Variants in TMEM203 observed in about 807,000 individuals in gnomAD.
TMEM203 encodes the protein HBeAg-binding protein 1.
A neutral mutation model predicts 7.9 loss-of-function variants in TMEM203; 4 were observed. That is an observed-to-expected ratio of 0.51 (90% CI 0.25 to 1.16). TMEM203 has a LOEUF of 1.16. Ranked by LOEUF, TMEM203 falls within the 50% of genes most tolerant of loss-of-function variation. TMEM203 has a pLI of 0.15. For missense variants in TMEM203, 127 were observed against 174.4 expected, an observed-to-expected ratio of 0.73 and a Z score of 1.53; for synonymous variants, 92 against 82.5, an observed-to-expected ratio of 1.11 and a Z score of -0.62.
rs1178393130 is a variant in TMEM203, at chr9:137,205,438, G to A, written c.-24C>T. 4.7e-6 allele frequency: 7 copies of A among 1,496,184 alleles called. No homozygotes were observed. The highest frequency in any genetic ancestry group is 1.4e-5 in the African/African-American group (1 of 70,922). The allele number at this position is 1,496,184 out of a possible 1,614,324, so 92.7% of individuals were successfully genotyped here. On this transcript the variant is annotated 5_prime_UTR_variant, in exon 1 of 1. Transcript: ENST00000343666. ...ATCGCGCCCGTTGAGCGCGGGCCGG[G>A]GCCCGGCCGAGCGTGCCACCCGCGG...
chr9:137,204,821 T>C lies in TMEM203; in HGVS notation c.*183A>G. On this transcript the variant is annotated 3_prime_UTR_variant, in exon 1 of 1. Transcript: ENST00000343666. ...ATTTTCAGGATGAAGGCTGCTCTTT[T>C]AAGCCCTGCTGAAGAAACCATTTCA... The C allele has an allele frequency of 1.3e-6, 1 of 742,696 alleles. No individual in the cohort carries two copies. The allele number at this position is 742,696 out of a possible 1,614,324, so 46.0% of individuals were successfully genotyped here.
At position 137,205,488 on chromosome 9, in the gene TMEM203, C is replaced by G; in HGVS notation, c.-74G>C. On this transcript the variant is annotated 5_prime_UTR_variant, in exon 1 of 1. Coordinates refer to ENST00000343666, the MANE Select transcript of TMEM203 (RefSeq NM_053045.2). Reference sequence around the variant, plus strand: ...GGGCTGCGTCTCCTCTCCCCGTGGCCCTCGCCCGCGCCTGCCGCCGCTGCT... The same window carrying G: ...GGGCTGCGTCTCCTCTCCCCGTGGCGCTCGCCCGCGCCTGCCGCCGCTGCT... 1 of 1,342,698 alleles carries G rather than the reference C, an allele frequency of 7.4e-7. No homozygotes were observed. The highest frequency in any genetic ancestry group is 9.6e-7 in the Non-Finnish European group (1 of 1,044,964). 83.2% of individuals were successfully genotyped at this position (1,342,698 alleles called of 1,614,324 possible).
Position 137,205,570 on chromosome 9 carries a change from G to T in TMEM203, c.-156C>A. 1.7e-6 allele frequency: 2 copies of T among 1,198,274 alleles called. No individual in the cohort carries two copies. Among genetic ancestry groups the T allele is most frequent in the Non-Finnish European group, 2.2e-6 (2 of 901,740 alleles). The allele number at this position is 1,198,274 out of a possible 1,614,324, so 74.2% of individuals were successfully genotyped here. On this transcript the variant is annotated 5_prime_UTR_variant, in exon 1 of 1. Coordinates refer to ENST00000343666, the MANE Select transcript of TMEM203 (RefSeq NM_053045.2). ...CCCCAGCCCTCGGCCCTGATGCGCC[G>T]GCAATCCCCCGGCCCCGACCCGGGA... is the stretch of plus-strand genomic sequence containing the variant.
chr9:137,205,019 G>A lies in TMEM203; in HGVS notation c.396C>T (p.Ala132=), dbSNP rs1423229311. The change falls in exon 1 of 1, where the codon GCC becomes GCT. Residue 132 remains alanine (A), a synonymous_variant. Coordinates refer to ENST00000343666, the MANE Select transcript of TMEM203 (RefSeq NM_053045.2). ...FILLQLLMIR[A]CRVN is the part of the protein sequence containing the mutation. ...CTCGGTGAGGCTAGTTGACCCGACA[G>A]GCGCGGATCATGAGCAGCTGCAGGA... 1 of 1,607,400 alleles carries A rather than the reference G, an allele frequency of 6.2e-7. No homozygotes were observed. Among genetic ancestry groups the A allele is most frequent in the Non-Finnish European group, 8.5e-7 (1 of 1,175,574 alleles).
chr9:137,204,810 GGC>G lies in TMEM203; in HGVS notation c.*192_*193del. 1.5e-6 allele frequency: 1 copy of G among 684,170 alleles called. No individual in the cohort carries two copies. Among genetic ancestry groups the G allele is most frequent in the South Asian group, 2.1e-5 (1 of 47,950 alleles). The allele number at this position is 684,170 out of a possible 1,614,324, so 42.4% of individuals were successfully genotyped here. A position where few individuals can be genotyped will look rare whatever the true frequency, so the allele number is the denominator to read the frequency against. ...AAAGGAAATACATTTTCAGGATGAA[GGC>G]TGCTCTTTTAAGCCCTGCTGAAGAA... On this transcript the variant is annotated 3_prime_UTR_variant, in exon 1 of 1. Transcript: ENST00000343666.
Position 137,204,896 on chromosome 9 carries a change from G to A in TMEM203, c.*108C>T. 1.4e-6 allele frequency: 2 copies of A among 1,414,418 alleles called. No individual in the cohort carries two copies. Among genetic ancestry groups the A allele is most frequent in the Non-Finnish European group, 1.9e-6 (2 of 1,066,896 alleles). The allele number at this position is 1,414,418 out of a possible 1,614,324, so 87.6% of individuals were successfully genotyped here. On this transcript the variant is annotated 3_prime_UTR_variant, in exon 1 of 1. Transcript: ENST00000343666. The stretch of plus-strand genomic sequence containing the variant: ...GGCACTCAGCTCGGCGCAAGCCGGC[G>A]GTGCCTTCAGACTAGAGAGCCTCTC...
At position 137,205,409 on chromosome 9, in the gene TMEM203, G is replaced by A. The variant is rs369391375; in HGVS notation, c.6C>T (p.Leu2=). 32 of 1,569,686 alleles carry A rather than the reference G, an allele frequency of 2.0e-5. No homozygotes were observed. The African/African-American group carries it at 3.4e-4, about 17-fold the overall frequency. The change falls in exon 1 of 1, where the codon CTC becomes CTT. Residue 2 remains leucine, a synonymous_variant. Transcript: ENST00000343666. ...ACTGCACCAGCTCCCGGAGCGAGAA[G>A]AGCATCGCGCCCGTTGAGCGCGGGC... M[L]FSLRELVQWL...
Position 137,204,938 on chromosome 9 carries a change from G to A in TMEM203, c.*66C>T. On this transcript the variant is annotated 3_prime_UTR_variant, in exon 1 of 1. Coordinates refer to ENST00000343666, the MANE Select transcript of TMEM203 (RefSeq NM_053045.2). Reference sequence around the variant, plus strand: ...GAGCCTCTCCTCCGGTGCGCTGCAAGTAGGGCCTCGGCTCGAGGTCAACAT... The same window carrying A: ...GAGCCTCTCCTCCGGTGCGCTGCAAATAGGGCCTCGGCTCGAGGTCAACAT... 4 of 1,534,038 alleles carry A rather than the reference G, an allele frequency of 2.6e-6. No individual in the cohort carries two copies. Among genetic ancestry groups the A allele is most frequent in the African/African-American group, 1.4e-5 (1 of 72,870 alleles).
In TMEM203 at chr9:137,205,613, G is replaced by C. The variant is rs1834911752; in HGVS notation, c.-199C>G. 3.8e-6 allele frequency: 5 copies of C among 1,322,836 alleles called. No individual in the cohort carries two copies. Among genetic ancestry groups the C allele is most frequent in the Non-Finnish European group, 5.1e-6 (5 of 974,462 alleles). 81.9% of individuals were successfully genotyped at this position (1,322,836 alleles called of 1,614,324 possible). On this transcript the variant is annotated 5_prime_UTR_variant, in exon 1 of 1. Coordinates refer to ENST00000343666, the MANE Select transcript of TMEM203 (RefSeq NM_053045.2). ...ACCCGGGACTCAACCCTGGCCGCCCGTGAACGCCCGCCTCGATCGGACGCC... is the reference window on the plus strand; with the variant it reads ...ACCCGGGACTCAACCCTGGCCGCCCCTGAACGCCCGCCTCGATCGGACGCC...
chr9:137,205,581 G>A lies in TMEM203; in HGVS notation c.-167C>T, dbSNP rs1352345143. Reference sequence around the variant, plus strand: ...GGCCCTGATGCGCCGGCAATCCCCCGGCCCCGACCCGGGACTCAACCCTGG... The same window carrying A: ...GGCCCTGATGCGCCGGCAATCCCCCAGCCCCGACCCGGGACTCAACCCTGG... On this transcript the variant is annotated 5_prime_UTR_variant, in exon 1 of 1. Coordinates refer to ENST00000343666, the MANE Select transcript of TMEM203 (RefSeq NM_053045.2). 14 of 1,205,546 alleles carry A rather than the reference G, an allele frequency of 1.2e-5. No individual in the cohort carries two copies. The highest frequency in any genetic ancestry group is 3.1e-5 in the Admixed American group (1 of 32,464). The allele number at this position is 1,205,546 out of a possible 1,614,324, so 74.7% of individuals were successfully genotyped here.
In TMEM203 at chr9:137,205,442, C is replaced by T. The variant is rs776647066; in HGVS notation, c.-28G>A. 6.7e-6 allele frequency: 10 copies of T among 1,484,694 alleles called. No homozygotes were observed. The African/African-American group carries it at 1.4e-4, about 21-fold the overall frequency. The allele number at this position is 1,484,694 out of a possible 1,614,324, so 92.0% of individuals were successfully genotyped here. Reference sequence around the variant, plus strand: ...CGCCCGTTGAGCGCGGGCCGGGGCCCGGCCGAGCGTGCCACCCGCGGGGCT... The same window carrying T: ...CGCCCGTTGAGCGCGGGCCGGGGCCTGGCCGAGCGTGCCACCCGCGGGGCT... On this transcript the variant is annotated 5_prime_UTR_variant, in exon 1 of 1. Coordinates refer to ENST00000343666, the MANE Select transcript of TMEM203 (RefSeq NM_053045.2).
Position 137,204,466 on chromosome 9 carries a change from A to G in TMEM203, c.*538T>C, listed in dbSNP as rs1368991540. 1.3e-5 allele frequency: 2 copies of G among 153,112 alleles called. No individual in the cohort carries two copies. The highest frequency in any genetic ancestry group is 2.0e-4 in the South Asian group (1 of 4,982). 9.5% of individuals were successfully genotyped at this position (153,112 alleles called of 1,614,324 possible). On this transcript the variant is annotated 3_prime_UTR_variant, in exon 1 of 1. Transcript: ENST00000343666. Reference sequence around the variant, plus strand: ...CTGCCTAGACTGGAATAAAAAGCCAATCTCTCTCGTGGCACAGGGAAGGAG... The same window carrying G: ...CTGCCTAGACTGGAATAAAAAGCCAGTCTCTCTCGTGGCACAGGGAAGGAG...
In TMEM203 at chr9:137,205,631, C is replaced by T; in HGVS notation, c.-217G>A. ...GCCGCCCGTGAACGCCCGCCTCGAT[C>T]GGACGCCATGCCCCCACAGGGCGCG... On this transcript the variant is annotated 5_prime_UTR_variant, in exon 1 of 1. Transcript: ENST00000343666. The T allele has an allele frequency of 1.4e-6, 2 of 1,390,486 alleles. No homozygotes were observed. Among genetic ancestry groups the T allele is most frequent in the East Asian group, 2.4e-5 (1 of 41,662 alleles). 86.1% of individuals were successfully genotyped at this position (1,390,486 alleles called of 1,614,324 possible).
Position 137,205,555 on chromosome 9 carries a change from C to G in TMEM203, c.-141G>C. The G allele has an allele frequency of 1.2e-5, 14 of 1,212,700 alleles. No individual in the cohort carries two copies. The highest frequency in any genetic ancestry group is 1.5e-5 in the Non-Finnish European group (14 of 922,666). 75.1% of individuals were successfully genotyped at this position (1,212,700 alleles called of 1,614,324 possible). ...GAGCGGCCCCGCCAGCCCCAGCCCT[C>G]GGCCCTGATGCGCCGGCAATCCCCC... is the stretch of plus-strand genomic sequence containing the variant. On this transcript the variant is annotated 5_prime_UTR_variant, in exon 1 of 1. Coordinates refer to ENST00000343666, the MANE Select transcript of TMEM203 (RefSeq NM_053045.2).
In TMEM203 at chr9:137,205,499, C is replaced by T; in HGVS notation, c.-85G>A. On this transcript the variant is annotated 5_prime_UTR_variant, in exon 1 of 1. Transcript: ENST00000343666. The stretch of plus-strand genomic sequence containing the variant: ...CCTCTCCCCGTGGCCCTCGCCCGCG[C>T]CTGCCGCCGCTGCTGCGAGCGAGAG... 2.3e-6 allele frequency: 3 copies of T among 1,313,768 alleles called. No homozygotes were observed. The highest frequency in any genetic ancestry group is 2.0e-6 in the Non-Finnish European group (2 of 1,023,682). The allele number at this position is 1,313,768 out of a possible 1,614,324, so 81.4% of individuals were successfully genotyped here. A position where few individuals can be genotyped will look rare whatever the true frequency, so the allele number is the denominator to read the frequency against.
Position 137,205,042 on chromosome 9 carries a change from G to A in TMEM203, c.373C>T (p.Leu125=). Residue 125 remains leucine, a synonymous_variant, in exon 1 of 1, where the codon CTG becomes TTG. Transcript: ENST00000343666. The stretch of plus-strand genomic sequence containing the variant: ...CAGGCGCGGATCATGAGCAGCTGCA[G>A]GAGAATGAAGAGCGGGGACGTAATG... ...GLITSPLFIL[L]QLLMIRACRV... 6.2e-7 allele frequency: 1 copy of A among 1,612,208 alleles called. No individual in the cohort carries two copies. Among genetic ancestry groups the A allele is most frequent in the Non-Finnish European group, 8.5e-7 (1 of 1,179,394 alleles).
Position 137,204,372 on chromosome 9 carries a change from G to C in TMEM203, c.*632C>G, listed in dbSNP as rs985430945. ...AGCCAAGCAGTGCCTGGACAGCAGAGTTCTTTTCTTGGGCAACAGATAACC... is the reference window on the plus strand; with the variant it reads ...AGCCAAGCAGTGCCTGGACAGCAGACTTCTTTTCTTGGGCAACAGATAACC... On this transcript the variant is annotated 3_prime_UTR_variant, in exon 1 of 1. Transcript: ENST00000343666. 2.6e-5 allele frequency: 4 copies of C among 152,340 alleles called. No homozygotes were observed. Among genetic ancestry groups the C allele is most frequent in the Non-Finnish European group, 5.9e-5 (4 of 68,134 alleles). The allele number at this position is 152,340 out of a possible 1,614,324, so 9.4% of individuals were successfully genotyped here.
rs1011736762 is a variant in TMEM203 at position 137,204,685 on chromosome 9, T to C, written c.*319A>G. The C allele has an allele frequency of 1.8e-5, 5 of 281,848 alleles. No homozygotes were observed. The South Asian group carries it at 3.1e-4, about 18-fold the overall frequency. 17.5% of individuals were successfully genotyped at this position (281,848 alleles called of 1,614,324 possible). A position where few individuals can be genotyped will look rare whatever the true frequency, so the allele number is the denominator to read the frequency against. On this transcript the variant is annotated 3_prime_UTR_variant, in exon 1 of 1. Coordinates refer to ENST00000343666, the MANE Select transcript of TMEM203 (RefSeq NM_053045.2). ...CTCAGAGTCCACCTGGACATTTTAC[T>C]TATATTCAGTTTCCAAGTGTCAGAG...
At position 137,204,951 on chromosome 9, in the gene TMEM203, T is replaced by C. The variant is rs1040158594; in HGVS notation, c.*53A>G. ...GGTGCGCTGCAAGTAGGGCCTCGGC[T>C]CGAGGTCAACATTCTAGTTGTCCAG... On this transcript the variant is annotated 3_prime_UTR_variant, in exon 1 of 1. Transcript: ENST00000343666. 15 of 1,549,968 alleles carry C rather than the reference T, an allele frequency of 9.7e-6. No individual in the cohort carries two copies. In the Admixed American group the frequency reaches 2.6e-4, roughly 27 times the overall value.
Sources: allele counts gnomAD v4.1 joint callset, GRCh38; gene constraint gnomAD v4.1.1; transcripts MANE v1.5; gene names NCBI Gene and HGNC (gene_info 2026-07-23, HGNC 2026-07-21).